GLI3: variants seen among roughly 807,000 people sequenced by gnomAD.
The protein encoded by GLI3 is GLI family zinc finger 3.
In GLI3, 20 loss-of-function variants were observed where a neutral mutation model predicts 100.8. The observed-to-expected ratio is 0.20, with a 90% CI of 0.14 to 0.29. The LOEUF (loss-of-function observed/expected upper bound fraction) is 0.29, where lower values mean the gene tolerates loss of function less well. GLI3 is among the 10% of genes least tolerant of loss of function. The pLI is 1.00. For synonymous variants in GLI3, 938 were observed against 860.5 expected, an observed-to-expected ratio of 1.09 and a Z score of -1.58; for missense variants, 2,040 against 2,128.5, an observed-to-expected ratio of 0.96 and a Z score of 0.82.
intron 1 of GLI3, among the ~76,000 whole-genome samples, chr7:42,228,218 C>G (rs1788622961): frequency 6.6e-6 from 1 of 152,170 alleles, no homozygotes; most frequent in Admixed American, 6.5e-5. Context: ...GCGCCCCAGT[C>G]AGCGCGCCAG....
At chr7:42,155,295 C>T (rs573923992) in intron 2 of GLI3, among the ~76,000 whole-genome samples, 1 of 152,116 alleles carries the variant, frequency 6.6e-6, no homozygotes, top group African/African-American at 2.4e-5. Context: ...CAAAATCAGC[C>T]AGGTGTGGTG....
chr7:42,022,469 C>T lies in GLI3; in HGVS notation c.1497+999G>A, dbSNP rs148385868. 1.0e-3 allele frequency among the ~76,000 whole-genome samples: 159 copies of T among 151,890 alleles called. 3 individuals are homozygous for T. Among genetic ancestry groups the T allele is most frequent in the African/African-American group, 3.5e-3 (146 of 41,388 alleles). Reference sequence around the variant, plus strand: ...TTACTGTAAAAAAAAGAATGTACCACGAAAGAGAAAGTGGAGAGAGAAAGA... The same window carrying T: ...TTACTGTAAAAAAAAGAATGTACCATGAAAGAGAAAGTGGAGAGAGAAAGA... On this transcript the variant is annotated intron_variant, in intron 10 of 14. Coordinates refer to ENST00000395925, the MANE Select transcript of GLI3 (RefSeq NM_000168.6).
intron 10 of GLI3, among the ~76,000 whole-genome samples, chr7:41,996,141 G>A (rs1299543582): frequency 6.6e-6 from 1 of 152,168 alleles, no homozygotes; most frequent in African/African-American, 2.4e-5. Flanking sequence ...TTTATTTTTG[G>A]TGGCTAAATG....
At chr7:41,978,177 C>G (rs553658708) in intron 11 of GLI3, among the ~76,000 whole-genome samples, 1 of 152,194 alleles carries the variant, frequency 6.6e-6, no homozygotes. Flanking sequence ...CACAACCTTG[C>G]GGCACCCCCT....
intron 3 of GLI3, among the ~76,000 whole-genome samples, chr7:42,108,460 C>A (rs1012623661): frequency 2.0e-5 from 3 of 152,114 alleles, no homozygotes; most frequent in Admixed American, 6.6e-5. Flanking sequence ...GAGCTGATGG[C>A]GCTTTCCGCA....
intron 10 of GLI3, among the ~76,000 whole-genome samples, chr7:41,985,114 C>G (rs532731874): frequency 4.9e-4 from 74 of 152,352 alleles, no homozygotes; most frequent in African/African-American, 1.7e-3. Context: ...TTGCTCCACC[C>G]CCAGTTGTAT....
chr7:42,094,431 C>T (rs1276462066), intron 3 of GLI3, among the ~76,000 whole-genome samples: 2 of 150,794 alleles, frequency 1.3e-5, no homozygotes, highest in African/African-American at 4.9e-5. Flanking sequence ...GGTAAAACCC[C>T]GTCTCTACTA....
At chr7:42,135,150 C>T (rs1786395835) in intron 3 of GLI3, among the ~76,000 whole-genome samples, 1 of 152,120 alleles carries the variant, frequency 6.6e-6, no homozygotes, top group Non-Finnish European at 1.5e-5. Flanking sequence ...CTTATTTTCT[C>T]TCCCCAAATT....
At chr7:42,258,625 C>T (rs1789110089) in intron 1 of GLI3, among the ~76,000 whole-genome samples, 1 of 152,186 alleles carries the variant, frequency 6.6e-6, no homozygotes, top group African/African-American at 2.4e-5. Flanking sequence ...TTTATTTCTC[C>T]AGCTCTGGAG....
intron 1 of GLI3, among the ~76,000 whole-genome samples, chr7:42,256,833 G>T (rs1450958571): frequency 6.6e-6 from 1 of 152,092 alleles, no homozygotes; most frequent in Non-Finnish European, 1.5e-5. Context: ...TGGAAATTTT[G>T]ATAAGGGTTA....
At chr7:42,143,296 G>T (rs1786617218) in intron 3 of GLI3, among the ~76,000 whole-genome samples, 1 of 152,194 alleles carries the variant, frequency 6.6e-6, no homozygotes, top group Non-Finnish European at 1.5e-5. Flanking sequence ...GTTCTCCAAA[G>T]ATGTAAAAGA....
intron 10 of GLI3, among the ~76,000 whole-genome samples, chr7:41,989,820 C>T (rs1409172227): frequency 2.6e-5 from 4 of 151,588 alleles, no homozygotes; most frequent in Non-Finnish European, 5.9e-5. Flanking sequence ...ATTGCTTGAG[C>T]CCAGGCGTTC....
chr7:42,235,106 G>A (rs1251349624), intron 1 of GLI3, among the ~76,000 whole-genome samples: 2 of 152,036 alleles, frequency 1.3e-5, no homozygotes, highest in Non-Finnish European at 2.9e-5. Context: ...GAGATTTTGA[G>A]GCTATTTCAC....
chr7:42,150,126 G>A (rs1289699226), intron 2 of GLI3: 2 of 152,140 alleles, frequency 1.3e-5, no homozygotes, highest in Admixed American at 1.3e-4. Context: ...TTTTAATAAT[G>A]TTTTGTGCAG....
intron 4 of GLI3, among the ~76,000 whole-genome samples, chr7:42,064,784 CA>C (rs1784641502): frequency 6.6e-6 from 1 of 152,164 alleles, no homozygotes; most frequent in Non-Finnish European, 1.5e-5. Flanking sequence ...CTTTTCTAGC[CA>C]AAAGAGGTTT....
rs994653660 is a variant in GLI3, at chr7:42,060,206, T to C, written c.474-11510A>G. On this transcript the variant is annotated intron_variant, in intron 4 of 14. Transcript: ENST00000395925. ...CCCCTACAACCAACACCTTCATTCC[T>C]GCTGCTGCTGCCATTCCTAGAGCTC... 2.6e-5 allele frequency among the ~76,000 whole-genome samples: 4 copies of C among 152,210 alleles called. No homozygotes were observed. The East Asian group carries it at 7.7e-4, about 29-fold the overall frequency.
chr7:42,223,677 G>A (rs1391579879), intron 1 of GLI3, among the ~76,000 whole-genome samples: 3 of 152,146 alleles, frequency 2.0e-5, no homozygotes, highest in Admixed American at 2.0e-4. Context: ...TTACAGGAAG[G>A]GGCATTTGAA....
At chr7:42,153,982 T>C (rs1369453095) in intron 2 of GLI3, among the ~76,000 whole-genome samples, 1 of 151,952 alleles carries the variant, frequency 6.6e-6, no homozygotes, top group African/African-American at 2.4e-5. Flanking sequence ...CTTTACTGAA[T>C]CCACACCTCC....
rs756698197 is a variant in GLI3, at chr7:41,967,770, T to C, written c.2257A>G (p.Thr753Ala). The change falls in exon 14 of 15, where the codon ACC becomes GCC. Residue 753 changes from threonine to alanine, a missense_variant. Physicochemically the swap from Thr to Ala is moderately conservative, Grantham distance 58 (BLOSUM62 0). Coordinates refer to ENST00000395925, the MANE Select transcript of GLI3 (RefSeq NM_000168.6). ...AGGGCTGTGGTTGCAGTGGAAATGG[T>C]TGAGTCCATGATTGGGGTTTCATCG... ...AIDETPIMDSTISTATTALAL... is the reference protein window; with the variant it reads ...AIDETPIMDSAISTATTALAL... The C allele has an allele frequency of 5.5e-5, 89 of 1,614,074 alleles. No homozygotes were observed. In the Admixed American group the frequency reaches 1.3e-3, roughly 24 times the overall value.
Sources: gnomAD v4.1 joint callset for allele counts (sites outside exome capture counted in the v4.1 genomes callset) on GRCh38, gnomAD v4.1.1 for gene constraint, MANE v1.5 for transcripts, NCBI Gene and HGNC (gene_info 2026-07-23, HGNC 2026-07-21) for gene names.